ASTN1: variants seen among roughly 807,000 people sequenced by gnomAD.
The protein encoded by ASTN1 is astrotactin 1.
Under a neutral mutation model 140.7 loss-of-function variants are expected in ASTN1, and 41 were observed. The ratio of observed to expected loss-of-function variants is 0.29; its 90% confidence interval spans 0.23 to 0.38. The LOEUF (loss-of-function observed/expected upper bound fraction) is 0.38, where lower values mean the gene tolerates loss of function less well. Among genes scored for constraint, ASTN1 ranks in the 10% least tolerant of loss-of-function variants. The pLI is 1.00. For synonymous variants in ASTN1, 640 were observed against 652.2 expected (o/e 0.98, Z 0.29); for missense variants, 1,479 against 1,678.8 (o/e 0.88, Z 2.08).
intron 8 of ASTN1, among the ~76,000 whole-genome samples, chr1:176,998,791 G>A (rs1464087433): frequency 6.6e-6 from 1 of 152,208 alleles, no homozygotes; most frequent in East Asian, 1.9e-4. Flanking sequence ...TATCCATAGA[G>A]TGTACTGCCT....
At chr1:177,077,756 G>A (rs2102068945) in intron 1 of ASTN1, among the ~76,000 whole-genome samples, 1 of 152,214 alleles carries the variant, frequency 6.6e-6, no homozygotes, top group East Asian at 1.9e-4. Context: ...GCCCTCTCTG[G>A]GGTAAGCTGC....
At chr1:177,127,648 C>T (rs1423129957) in intron 1 of ASTN1, among the ~76,000 whole-genome samples, 1 of 152,174 alleles carries the variant, frequency 6.6e-6, no homozygotes, top group African/African-American at 2.4e-5. Flanking sequence ...CCAGAGGTCC[C>T]CTCTGAAGAT....
intron 11 of ASTN1, among the ~76,000 whole-genome samples, chr1:176,953,350 A>C (rs919817414): frequency 1.3e-5 from 2 of 152,186 alleles, no homozygotes; most frequent in African/African-American, 4.8e-5. Context: ...ATCCTGCCTC[A>C]CCTTACCTTA....
chr1:177,020,497 C>T (rs1675770286), intron 7 of ASTN1, among the ~76,000 whole-genome samples: 1 of 152,156 alleles, frequency 6.6e-6, no homozygotes, highest in Middle Eastern at 3.2e-3. Context: ...CTCACTCTGA[C>T]CTCCTTTTCT....
intron 1 of ASTN1, among the ~76,000 whole-genome samples, chr1:177,127,010 C>T (rs1681687409): frequency 6.6e-6 from 1 of 151,994 alleles, no homozygotes; most frequent in Non-Finnish European, 1.5e-5. Flanking sequence ...TAACATATGC[C>T]CCCATGCCAA....
chr1:177,015,357 G>C (rs945324468), intron 7 of ASTN1, among the ~76,000 whole-genome samples: 1 of 152,138 alleles, frequency 6.6e-6, no homozygotes, highest in Non-Finnish European at 1.5e-5. Flanking sequence ...AAAATTGAAG[G>C]CTTGTAGACA....
intron 21 of ASTN1, among the ~76,000 whole-genome samples, chr1:176,871,571 C>T (rs1255859141): frequency 6.6e-6 from 1 of 152,146 alleles, no homozygotes; most frequent in Non-Finnish European, 1.5e-5. Flanking sequence ...AGACCAGTTT[C>T]CACCACCAAT....
chr1:176,949,395 A>G (rs766984493), intron 11 of ASTN1, 44 bp from the exon 12 acceptor site: 1 of 1,582,320 alleles, frequency 6.3e-7, no homozygotes, highest in Non-Finnish European at 8.6e-7. Context: ...TGAATCGGGG[A>G]ACTGAGTTCT....
intron 8 of ASTN1, among the ~76,000 whole-genome samples, chr1:177,005,079 G>A (rs1674926374): frequency 6.6e-6 from 1 of 152,048 alleles, no homozygotes; most frequent in Admixed American, 6.5e-5. Context: ...GAAAATATTT[G>A]CAAAACATGC....
chr1:176,864,154 T>C lies in ASTN1; in HGVS notation c.*130A>G. ...TCTGCAGGGAGCAAGGATCACTTTCTCCCTGGTTTCGATGTTGCTGTGGAG... is the reference window on the plus strand; with the variant it reads ...TCTGCAGGGAGCAAGGATCACTTTCCCCCTGGTTTCGATGTTGCTGTGGAG... On this transcript the variant is annotated 3_prime_UTR_variant, in exon 23 of 23. Coordinates refer to ENST00000361833, the MANE Select transcript of ASTN1 (RefSeq NM_004319.3). 6.7e-7 allele frequency: 1 copy of C among 1,497,894 alleles called. No individual in the cohort carries two copies. 92.8% of individuals were successfully genotyped at this position (1,497,894 alleles called of 1,614,324 possible).
At chr1:177,012,059 C>T (rs1675322199) in intron 8 of ASTN1, among the ~76,000 whole-genome samples, 1 of 152,220 alleles carries the variant, frequency 6.6e-6, no homozygotes, top group African/African-American at 2.4e-5. Flanking sequence ...ACCATTCACA[C>T]ATGGGCTGCT....
intron 14 of ASTN1, 44 bp from the exon 15 acceptor site, chr1:176,936,414 T>C: frequency 6.6e-7 from 1 of 1,516,808 alleles, no homozygotes; most frequent in Non-Finnish European, 9.1e-7. Context: ...TACTGATTCA[T>C]AAGTTCCAAA....
At chr1:177,129,227 T>C (rs1681821495) in intron 1 of ASTN1, among the ~76,000 whole-genome samples, 2 of 152,148 alleles carry the variant, frequency 1.3e-5, no homozygotes, top group African/African-American at 2.4e-5. Flanking sequence ...GTTCCTGGGC[T>C]ATATAATCAC....
chr1:176,977,963 G>A (rs1460689337), intron 8 of ASTN1, among the ~76,000 whole-genome samples: 1 of 152,208 alleles, frequency 6.6e-6, no homozygotes, highest in Non-Finnish European at 1.5e-5. Context: ...AGTGAAATGG[G>A]AGTGAGTGGG....
At chr1:176,975,376 C>A (rs528131437) in intron 8 of ASTN1, among the ~76,000 whole-genome samples, 2 of 152,214 alleles carry the variant, frequency 1.3e-5, no homozygotes, top group African/African-American at 4.8e-5. Flanking sequence ...AGGATTGTCA[C>A]GGAGCACTAT....
intron 1 of ASTN1, among the ~76,000 whole-genome samples, chr1:177,074,686 AC>A (rs1408967826): frequency 1.3e-5 from 2 of 152,208 alleles, no homozygotes; most frequent in Admixed American, 1.3e-4. Flanking sequence ...CTTTGATATC[AC>A]CTTTCCTAAC....
chr1:177,087,755 G>A (rs2102093749), intron 1 of ASTN1, among the ~76,000 whole-genome samples: 2 of 152,298 alleles, frequency 1.3e-5, no homozygotes, highest in East Asian at 1.9e-4. Context: ...TGTGGGAGTT[G>A]GGGAGTGTTA....
At chr1:177,066,877 C>CTAAT (rs1230779306) in intron 1 of ASTN1, among the ~76,000 whole-genome samples, 1 of 152,126 alleles carries the variant, frequency 6.6e-6, no homozygotes, top group Admixed American at 6.5e-5. Context: ...CAGCTGAGTA[C>CTAAT]TAATGAGGCT....
At chr1:177,038,762 T>A (rs1191735902) in intron 2 of ASTN1, among the ~76,000 whole-genome samples, 1 of 152,178 alleles carries the variant, frequency 6.6e-6, no homozygotes, top group Non-Finnish European at 1.5e-5. Context: ...ACACGTATGG[T>A]TCCTGATCTC....
Sources: gnomAD v4.1 joint callset for allele counts (sites outside exome capture counted in the v4.1 genomes callset) on GRCh38, gnomAD v4.1.1 for gene constraint, MANE v1.5 for transcripts, NCBI Gene and HGNC (gene_info 2026-07-23, HGNC 2026-07-21) for gene names.